The following RXRA variants were observed in gnomAD, a reference collection of about 807,000 sequenced individuals.
The protein encoded by RXRA is retinoid X receptor alpha.
Under a neutral mutation model 44.5 loss-of-function variants are expected in RXRA, and 5 were observed. The ratio of observed to expected loss-of-function variants is 0.11; its 90% CI spans 0.06 to 0.24. The LOEUF (loss-of-function observed/expected upper bound fraction) is 0.24, where lower values mean the gene tolerates loss of function less well. Among genes scored for constraint, RXRA ranks in the 10% least tolerant of loss-of-function variants. RXRA has a pLI of 1.00. For missense variants in RXRA, 412 were observed against 646.5 expected (o/e 0.64, Z 3.93); for synonymous variants, 291 against 271.4 (o/e 1.07, Z -0.71).
intron 1 of RXRA, among the ~76,000 whole-genome samples, chr9:134,375,933 G>GCCCT (rs1270616981): frequency 2.8e-5 from 4 of 142,964 alleles, no homozygotes; most frequent in Non-Finnish European, 3.0e-5. Context: ...GCTGCCGGCC[G>GCCCT]CCCTCCCTCC....
chr9:134,370,980 C>T (rs1040822928), intron 1 of RXRA, among the ~76,000 whole-genome samples: 2 of 151,920 alleles, frequency 1.3e-5, no homozygotes, highest in African/African-American at 2.4e-5. Context: ...TGGCAGGAGC[C>T]GGAGGGCTTG....
intron 1 of RXRA, among the ~76,000 whole-genome samples, chr9:134,367,352 CG>C: frequency 6.6e-6 from 1 of 152,118 alleles, no homozygotes; most frequent in Admixed American, 6.5e-5. Flanking sequence ...TGACCCTGTC[CG>C]GGGAGACCCA....
chr9:134,417,311 G>C lies in RXRA; in HGVS notation c.764G>C (p.Gly255Ala), dbSNP rs986185258. 1.7e-5 allele frequency: 27 copies of C among 1,613,708 alleles called. No individual in the cohort carries two copies. Among genetic ancestry groups the C allele is most frequent in the Non-Finnish European group, 2.2e-5 (26 of 1,179,952 alleles). Residue 255 changes from glycine (G) to alanine (A), a missense_variant, in exon 5 of 10, where the codon GGG (glycine) becomes GCG (alanine). Gly to Ala is a moderately conservative substitution (Grantham distance 60, BLOSUM62 0). Coordinates refer to ENST00000481739, the MANE Select transcript of RXRA (RefSeq NM_002957.6). This position sits in a 1 kb window ranked among gnomAD's most constrained non-coding sequence, Gnocchi z 6.1. ...GAGACCTACGTGGAGGCAAACATGGGGCTGAACCCCAGCTCGGTGAGTTGC... is the reference window on the plus strand; with the variant it reads ...GAGACCTACGTGGAGGCAAACATGGCGCTGAACCCCAGCTCGGTGAGTTGC... ...KTETYVEANM[G>A]LNPSSPNDPV...
rs185555777 is a variant in RXRA at position 134,336,484 on chromosome 9, T to G, written c.28+9825T>G. On this transcript the variant is annotated intron_variant, in intron 1 of 9. Coordinates refer to ENST00000481739, the MANE Select transcript of RXRA (RefSeq NM_002957.6). ...TCCCTCTTCGTCTTGATTTCCTCAT[T>G]TGGAAAATAGAAGGAAGGATGCCAG... Among the ~76,000 whole-genome samples, 33 of 152,182 alleles carry G rather than the reference T, an allele frequency of 2.2e-4. 1 individual carries two copies. Among genetic ancestry groups the G allele is most frequent in the Admixed American group, 2.0e-3 (31 of 15,282 alleles).
At chr9:134,402,137 C>T in intron 2 of RXRA, 1 of 539,754 alleles carries the variant, frequency 1.9e-6, no homozygotes, top group Non-Finnish European at 3.3e-6. Flanking sequence ...CACGTGGCCC[C>T]TTCCCATGCC....
chr9:134,405,487 G>T (rs1426390666), intron 2 of RXRA: 1 of 152,330 alleles, frequency 6.6e-6, no homozygotes, highest in Non-Finnish European at 1.5e-5. Context: ...GAGGGAGGGG[G>T]ACCGTCTGCC....
intron 1 of RXRA, among the ~76,000 whole-genome samples, chr9:134,354,801 C>T (rs1554749881): frequency 6.6e-6 from 1 of 152,258 alleles, no homozygotes; most frequent in Non-Finnish European, 1.5e-5. Context: ...CTCCAGGCTC[C>T]CCAGGCTGCA....
At position 134,343,824 on chromosome 9, in the gene RXRA, G is replaced by A. The variant is rs1300684235; in HGVS notation, c.28+17165G>A. On this transcript the variant is annotated intron_variant, in intron 1 of 9. Transcript: ENST00000481739. This position sits in a 1 kb window ranked among gnomAD's most constrained non-coding sequence, Gnocchi z 4.1. ...GGATCTTCTGCAACTGTGGGGAAGA[G>A]TGTTTCTTCCCGGAAGGCGGGGCCA... Among the ~76,000 whole-genome samples, 1 of 152,148 alleles carries A rather than the reference G, an allele frequency of 6.6e-6. No individual in the cohort carries two copies. The highest frequency in any genetic ancestry group is 1.5e-5 in the Non-Finnish European group (1 of 68,018).
rs1201579751 is a variant in RXRA, at chr9:134,437,757, G to A, written c.*1143G>A. The A allele has an allele frequency of 6.6e-6, 1 of 152,336 alleles. No homozygotes were observed. The highest frequency in any genetic ancestry group is 2.4e-5 in the African/African-American group (1 of 41,454). 9.4% of individuals were successfully genotyped at this position (152,336 alleles called of 1,614,324 possible). A position where few individuals can be genotyped will look rare whatever the true frequency, so the allele number is the denominator to read the frequency against. On this transcript the variant is annotated 3_prime_UTR_variant, in exon 10 of 10. Transcript: ENST00000481739. Reference sequence around the variant, plus strand: ...CAGGCCTTCTCTCTGGCTGCCAGTTGTGTCTAAAAGACTCTTGGAATCTGA... The same window carrying A: ...CAGGCCTTCTCTCTGGCTGCCAGTTATGTCTAAAAGACTCTTGGAATCTGA...
At chr9:134,398,891 C>T (rs1318933327) in intron 1 of RXRA, among the ~76,000 whole-genome samples, 1 of 152,284 alleles carries the variant, frequency 6.6e-6, no homozygotes, top group East Asian at 1.9e-4. Flanking sequence ...ATGGCCCGGC[C>T]TCCTCCCAGG....
At position 134,438,566 on chromosome 9, in the gene RXRA, G is replaced by A. The variant is rs1317126702; in HGVS notation, c.*1952G>A. 6.6e-6 allele frequency: 1 copy of A among 152,496 alleles called. No homozygotes were observed. Among genetic ancestry groups the A allele is most frequent in the Admixed American group, 6.5e-5 (1 of 15,292 alleles). 9.4% of individuals were successfully genotyped at this position (152,496 alleles called of 1,614,324 possible). A position where few individuals can be genotyped will look rare whatever the true frequency, so the allele number is the denominator to read the frequency against. ...GTGTTGAGCCTCATACCTGTACCAG[G>A]TCCCCGGCCAGCTGGGCCCCTCCCA... On this transcript the variant is annotated 3_prime_UTR_variant, in exon 10 of 10. Coordinates refer to ENST00000481739, the MANE Select transcript of RXRA (RefSeq NM_002957.6).
rs1316362308 is a variant in RXRA, at chr9:134,354,711, G to GT, written c.28+28053dup. ...GCTGTGCTGTGCACTGGCCTTCGCT[G>GT]TAAGACTGAAATGTTCAGAGGCCGT... On this transcript the variant is annotated intron_variant, in intron 1 of 9. Coordinates refer to ENST00000481739, the MANE Select transcript of RXRA (RefSeq NM_002957.6). Among the ~76,000 whole-genome samples the GT allele has an allele frequency of 2.0e-5, 3 of 152,368 alleles. No individual in the cohort carries two copies. The East Asian group carries it at 5.8e-4, about 29-fold the overall frequency.
intron 2 of RXRA, chr9:134,403,186 C>A (rs1043849507): frequency 3.3e-5 from 5 of 152,534 alleles, no homozygotes; most frequent in African/African-American, 1.2e-4. Flanking sequence ...CCACCTGGCC[C>A]TGTTTAGAGC....
intron 1 of RXRA, among the ~76,000 whole-genome samples, chr9:134,340,087 A>G (rs72768782): frequency 6.6e-6 from 1 of 151,292 alleles, no homozygotes; most frequent in Non-Finnish European, 1.5e-5. Flanking sequence ...ATCCGTGTGC[A>G]CTTGTGTCCT....
At chr9:134,375,967 T>TC (rs71503400) in intron 1 of RXRA, among the ~76,000 whole-genome samples, 1 of 101,330 alleles carries the variant, frequency 9.9e-6, no homozygotes, top group East Asian at 3.0e-4. Flanking sequence ...TCTCTCTGCT[T>TC]CCCCCCCACC....
rs999538382 is a variant in RXRA at position 134,349,360 on chromosome 9, G to A, written c.28+22701G>A. Among the ~76,000 whole-genome samples, 6 of 152,162 alleles carry A rather than the reference G, an allele frequency of 3.9e-5. No homozygotes were observed. The highest frequency in any genetic ancestry group is 5.9e-5 in the Non-Finnish European group (4 of 68,018). On this transcript the variant is annotated intron_variant, in intron 1 of 9. Transcript: ENST00000481739. This position sits in a 1 kb window ranked among gnomAD's most constrained non-coding sequence, Gnocchi z 4.3. Reference sequence around the variant, plus strand: ...GCGCCTCGGCCTGGTGGAGGGCTTCGCCGAGCTTGGTGGCAGGGAGGGAAG... The same window carrying A: ...GCGCCTCGGCCTGGTGGAGGGCTTCACCGAGCTTGGTGGCAGGGAGGGAAG...
rs1027410908 is a variant in RXRA, at chr9:134,437,704, C to T, written c.*1090C>T. On this transcript the variant is annotated 3_prime_UTR_variant, in exon 10 of 10. Transcript: ENST00000481739. The stretch of plus-strand genomic sequence containing the variant: ...AGATGCTCCGCGGCCTGGAGTGGCT[C>T]TGCCGGGGCATTGGTGGGACCCCTG... 6.6e-6 allele frequency: 1 copy of T among 152,336 alleles called. No homozygotes were observed. The highest frequency in any genetic ancestry group is 2.4e-5 in the African/African-American group (1 of 41,470). The allele number at this position is 152,336 out of a possible 1,614,324, so 9.4% of individuals were successfully genotyped here.
chr9:134,424,987 A>C (rs1831408819), intron 6 of RXRA: 1 of 985,286 alleles, frequency 1.0e-6, no homozygotes, highest in African/African-American at 1.7e-5. Flanking sequence ...CTGGTGGGGG[A>C]GGTCACTTCC....
chr9:134,355,745 C>G (rs957195436), intron 1 of RXRA, among the ~76,000 whole-genome samples: 1 of 152,172 alleles, frequency 6.6e-6, no homozygotes. Flanking sequence ...TGGAACGCAG[C>G]CTTGCCACAC....
Sources: gnomAD v4.1 joint callset for allele counts (sites outside exome capture counted in the v4.1 genomes callset) on GRCh38, gnomAD v4.1.1 for gene constraint, Gnocchi (gnomAD v3.1) non-coding constraint, MANE v1.5 for transcripts, NCBI Gene and HGNC (gene_info 2026-07-23, HGNC 2026-07-21) for gene names.